KLK3: variants seen among roughly 807,000 people sequenced by gnomAD.
KLK3 encodes the protein prostate-specific antigen.
In KLK3, 23 loss-of-function variants were observed where a neutral mutation model predicts 27.7. The ratio of observed to expected loss-of-function variants is 0.83; its 90% CI spans 0.60 to 1.17. The LOEUF is 1.17. KLK3 is among the 50% of genes most tolerant of loss of function. The probability of loss-of-function intolerance (pLI) is 0.00; values close to 1 mark genes in which losing one functional copy is unlikely to be tolerated. For missense variants in KLK3, 322 were observed against 338.1 expected, an observed-to-expected ratio of 0.95 and a Z score of 0.37; for synonymous variants, 142 against 134.2, an observed-to-expected ratio of 1.06 and a Z score of -0.40.
In KLK3 at chr19:50,858,293, G is replaced by C. The variant is rs2090162055; in HGVS notation, c.471G>C (p.Trp157Cys). Reference sequence around the variant, plus strand: ...GGACCACCTGCTACGCCTCAGGCTGGGGCAGCATTGAACCAGAGGAGTGTA... The same window carrying C: ...GGACCACCTGCTACGCCTCAGGCTGCGGCAGCATTGAACCAGAGGAGTGTA... Reference protein sequence around the residue: ...ALGTTCYASGWGSIEPEEFLT... With the variant: ...ALGTTCYASGCGSIEPEEFLT... Residue 157 changes from tryptophan to cysteine, a missense_variant, in exon 3 of 5, where the codon TGG becomes TGC. Trp to Cys is a radical substitution (Grantham distance 215, BLOSUM62 -2). Coordinates refer to ENST00000326003, the MANE Select transcript of KLK3 (RefSeq NM_001648.2). 1 of 1,613,812 alleles carries C rather than the reference G, an allele frequency of 6.2e-7. No individual in the cohort carries two copies. Among genetic ancestry groups the C allele is most frequent in the Non-Finnish European group, 8.5e-7 (1 of 1,179,876 alleles).
Position 50,856,413 on chromosome 19 carries a change from T to G in KLK3, c.206+14T>G. The G allele has an allele frequency of 6.2e-7, 1 of 1,611,458 alleles. No individual in the cohort carries two copies. The highest frequency in any genetic ancestry group is 1.3e-5 in the African/African-American group (1 of 74,958). On this transcript the variant is annotated intron_variant, in intron 2 of 4. Coordinates refer to ENST00000326003, the MANE Select transcript of KLK3 (RefSeq NM_001648.2). ...CTGCATCAGGAAGTGAGTAGGGGCC[T>G]GGGGTCTGGGGAGCAGGTGTCTGTG...
rs946902450 is a variant in KLK3, at chr19:50,860,211, A to T, written c.*84A>T. 3 of 1,081,748 alleles carry T rather than the reference A, an allele frequency of 2.8e-6. No homozygotes were observed. In the African/African-American group the frequency reaches 4.7e-5, roughly 17 times the overall value. 67.0% of individuals were successfully genotyped at this position (1,081,748 alleles called of 1,614,324 possible). On this transcript the variant is annotated 3_prime_UTR_variant, in exon 5 of 5. Transcript: ENST00000326003. ...GACTCAAGCCTCCCCAGTTCTACTG[A>T]CCTTTGTCCTTAGGTGTGAGGTCCA...
In KLK3 at chr19:50,855,152, C is replaced by T. The variant is rs1385013570; in HGVS notation, c.46+151C>T. On this transcript the variant is annotated intron_variant, in intron 1 of 4. Coordinates refer to ENST00000326003, the MANE Select transcript of KLK3 (RefSeq NM_001648.2). ...CCAGCCCCACTCCAAGCCCATACCC[C>T]CAGCCCCTCCATATTGCAACAGTCC... 3 of 695,894 alleles carry T rather than the reference C, an allele frequency of 4.3e-6. No homozygotes were observed. In the Admixed American group the frequency reaches 7.2e-5, roughly 17 times the overall value. The allele number at this position is 695,894 out of a possible 1,614,324, so 43.1% of individuals were successfully genotyped here. A position where few individuals can be genotyped will look rare whatever the true frequency, so the allele number is the denominator to read the frequency against.
In KLK3 at chr19:50,858,128, T is replaced by C. The variant is rs780090257; in HGVS notation, c.306T>C (p.Asp102=). The change falls in exon 3 of 5, where the codon GAT becomes GAC. Residue 102 remains aspartate (D), a synonymous_variant. Coordinates refer to ENST00000326003, the MANE Select transcript of KLK3 (RefSeq NM_001648.2). Reference sequence around the variant, plus strand: ...ACAGCTTCCCACACCCGCTCTACGATATGAGCCTCCTGAAGAATCGATTCC... The same window carrying C: ...ACAGCTTCCCACACCCGCTCTACGACATGAGCCTCCTGAAGAATCGATTCC... ...VSHSFPHPLY[D]MSLLKNRFLR... 6.2e-7 allele frequency: 1 copy of C among 1,614,078 alleles called. No individual in the cohort carries two copies. The highest frequency in any genetic ancestry group is 8.5e-7 in the Non-Finnish European group (1 of 1,179,978).
At chr19:50,857,879 C>T (rs1359859782) in intron 2 of KLK3, 150 bp from the exon 3 acceptor site, 2 of 726,694 alleles carry the variant, frequency 2.8e-6, no homozygotes, top group Non-Finnish European at 4.4e-6. Flanking sequence ...AACTCGTTGT[C>T]TGTATTTTTG....
chr19:50,856,453 C>T (rs1291634766), intron 2 of KLK3, 54 bp downstream of exon 2: 3 of 1,581,286 alleles, frequency 1.9e-6, no homozygotes, highest in Middle Eastern at 1.8e-4. Flanking sequence ...AGAGGAATAA[C>T]AGCTGGGCAT....
At chr19:50,859,403 G>A (rs747496212) in intron 4 of KLK3, 6 of 686,754 alleles carry the variant, frequency 8.7e-6, no homozygotes, top group Non-Finnish European at 1.0e-5. Flanking sequence ...GATGTGGAGG[G>A]AGTGATGATG....
intron 4 of KLK3, chr19:50,859,405 G>A: frequency 2.8e-6 from 2 of 702,368 alleles, no homozygotes; most frequent in East Asian, 5.5e-5. Context: ...TGTGGAGGGA[G>A]TGATGATGGG....
rs759209785 is a variant in KLK3 at position 50,858,595 on chromosome 19, G to C, written c.630G>C (p.Ser210=). The change falls in exon 4 of 5, where the codon TCG becomes TCC. Residue 210 remains serine, a splice_region_variant and synonymous_variant. Coordinates refer to ENST00000326003, the MANE Select transcript of KLK3 (RefSeq NM_001648.2). ...GGACAGGGGGCAAAAGCACCTGCTC[G>C]GTGAGTCATCCCTACTCCCAAGATC... ...GRWTGGKSTC[S]GDSGGPLVCN... 17 of 1,614,006 alleles carry C rather than the reference G, an allele frequency of 1.1e-5. No individual in the cohort carries two copies. Among genetic ancestry groups the C allele is most frequent in the Non-Finnish European group, 1.3e-5 (15 of 1,180,018 alleles).
In KLK3 at chr19:50,860,238, G is replaced by A. The variant is rs1309375900; in HGVS notation, c.*111G>A. ...CTTTGTCCTTAGGTGTGAGGTCCAGGGTTGCTAGGAAAAGAAATCAGCAGA... is the reference window on the plus strand; with the variant it reads ...CTTTGTCCTTAGGTGTGAGGTCCAGAGTTGCTAGGAAAAGAAATCAGCAGA... On this transcript the variant is annotated 3_prime_UTR_variant, in exon 5 of 5. Coordinates refer to ENST00000326003, the MANE Select transcript of KLK3 (RefSeq NM_001648.2). 2 of 806,086 alleles carry A rather than the reference G, an allele frequency of 2.5e-6. No homozygotes were observed. The highest frequency in any genetic ancestry group is 4.1e-6 in the Non-Finnish European group (2 of 493,432). 49.9% of individuals were successfully genotyped at this position (806,086 alleles called of 1,614,324 possible).
At chr19:50,855,576 T>C (rs2090141823) in intron 1 of KLK3, 1 of 154,340 alleles carries the variant, frequency 6.5e-6, no homozygotes, top group South Asian at 2.0e-4. Flanking sequence ...AATGGGACTC[T>C]GAGAACTCCT....
chr19:50,855,343 A>T (rs1032485038), intron 1 of KLK3: 10 of 360,328 alleles, frequency 2.8e-5, no homozygotes, highest in Admixed American at 2.4e-4. Context: ...TCTCAATGCC[A>T]TTGGTTCCTT....
In KLK3 at chr19:50,858,222, G is replaced by A. The variant is rs1175456687; in HGVS notation, c.400G>A (p.Asp134Asn). 5.0e-6 allele frequency: 8 copies of A among 1,614,104 alleles called. No homozygotes were observed. Among genetic ancestry groups the A allele is most frequent in the Non-Finnish European group, 5.9e-6 (7 of 1,180,062 alleles). Residue 134 changes from aspartate to asparagine, a missense_variant, in exon 3 of 5, where the codon GAT becomes AAT. Transcript: ENST00000326003. ...CCTGTCAGAGCCTGCCGAGCTCACG[G>A]ATGCTGTGAAGGTCATGGACCTGCC... ...LRLSEPAELTDAVKVMDLPTQ... is the reference protein window; with the variant it reads ...LRLSEPAELTNAVKVMDLPTQ...
At chr19:50,859,901 C>T in intron 4 of KLK3, 71 bp from the exon 5 acceptor site, 1 of 1,543,596 alleles carries the variant, frequency 6.5e-7, no homozygotes, top group Non-Finnish European at 8.8e-7. Flanking sequence ...CTGTCCAGGT[C>T]TGAAAGATAG....
At position 50,860,142 on chromosome 19, in the gene KLK3, C is replaced by T. The variant is rs1058205; in HGVS notation, c.*15C>T. On this transcript the variant is annotated 3_prime_UTR_variant, in exon 5 of 5. Coordinates refer to ENST00000326003, the MANE Select transcript of KLK3 (RefSeq NM_001648.2). ...CCAACCCCTGAGCACCCCTATCAAC[C>T]CCCTATTGTAGTAAACTTGGAACCT... 0.79 allele frequency: 1,248,439 copies of T among 1,585,160 alleles called. 496,373 individuals are homozygous for T. The highest frequency in any genetic ancestry group is 0.82 in the Non-Finnish European group (947,123 of 1,155,530).
Position 50,860,104 on chromosome 19 carries a change from G to A in KLK3, c.763G>A (p.Asp255Asn), listed in dbSNP as rs1298281756. Residue 255 changes from aspartate to asparagine, a missense_variant, in exon 5 of 5, where the codon GAC becomes AAC. Transcript: ENST00000326003. ...KVVHYRKWIKDTIVANP is the reference protein window; with the variant it reads ...KVVHYRKWIKNTIVANP ...GGTGCATTACCGGAAGTGGATCAAG[G>A]ACACCATCGTGGCCAACCCCTGAGC... 3 of 1,613,750 alleles carry A rather than the reference G, an allele frequency of 1.9e-6. No individual in the cohort carries two copies. The highest frequency in any genetic ancestry group is 2.5e-6 in the Non-Finnish European group (3 of 1,179,834).
intron 4 of KLK3, chr19:50,859,495 C>A (rs763533161): frequency 6.4e-7 from 1 of 1,559,244 alleles, no homozygotes; most frequent in Non-Finnish European, 8.8e-7. Context: ...GGCCCTCAGT[C>A]TCTCCCCTCC....
At chr19:50,858,645 C>G (rs966135363) in intron 4 of KLK3, 50 bp downstream of exon 4, 3 of 1,607,440 alleles carry the variant, frequency 1.9e-6, no homozygotes, top group Non-Finnish European at 2.6e-6. Context: ...GAGTGGGGAC[C>G]TTAATTCTGG....
intron 4 of KLK3, chr19:50,859,528 A>T: frequency 1.2e-6 from 2 of 1,610,758 alleles, no homozygotes; most frequent in South Asian, 2.2e-5. Flanking sequence ...ACCTACCCAC[A>T]GTGGGTCATT....
Sources: gnomAD v4.1 joint callset for allele counts on GRCh38, gnomAD v4.1.1 for gene constraint, MANE v1.5 for transcripts, NCBI Gene and HGNC (gene_info 2026-07-23, HGNC 2026-07-21) for gene names.